The following RGS6 variants were observed in gnomAD, a reference collection of about 807,000 sequenced individuals.
RGS6 encodes regulator of G protein signaling 6.
Under a neutral mutation model 78.5 loss-of-function variants are expected in RGS6, and 30 were observed. The ratio of observed to expected loss-of-function variants is 0.38; its 90% CI spans 0.29 to 0.52. RGS6 has a LOEUF of 0.52. RGS6 is among the 20% of genes least tolerant of loss of function. The probability of loss-of-function intolerance (pLI) is 0.85; values close to 1 mark genes in which losing one functional copy is unlikely to be tolerated. For missense variants in RGS6, 495 were observed against 609.7 expected (o/e 0.81, Z 1.98); for synonymous variants, 206 against 206.0 (o/e 1.00, Z 0.00).
In RGS6 at chr14:72,034,992, C is replaced by A. The variant is rs139286216; in HGVS notation, c.84+70117C>A. ...GTCATTCTGAGTAGCATGATAAAAT[C>A]TCCCACTGTCCCATTTCATCCCACC... On this transcript the variant is annotated intron_variant, in intron 2 of 17. Coordinates refer to ENST00000553525, the MANE Select transcript of RGS6 (RefSeq NM_001204424.2). 1.8e-3 allele frequency among the ~76,000 whole-genome samples: 278 copies of A among 152,294 alleles called. 5 individuals carry two copies. The highest frequency in any genetic ancestry group is 1.4e-3 in the Non-Finnish European group (97 of 68,024).
chr14:72,122,898 TATA>T (rs1432142855), intron 2 of RGS6, among the ~76,000 whole-genome samples: 1 of 152,224 alleles, frequency 6.6e-6, no homozygotes, highest in Admixed American at 6.5e-5. Context: ...ATAAGCTGCT[TATA>T]AATCTTTCAT....
At chr14:72,336,750 A>G (rs1473745576) in intron 2 of RGS6, among the ~76,000 whole-genome samples, 2 of 152,016 alleles carry the variant, frequency 1.3e-5, no homozygotes, top group South Asian at 2.1e-4. Flanking sequence ...ATTATTAACT[A>G]CAGTTCTGGA....
chr14:72,230,575 C>T (rs1000005487), intron 2 of RGS6, among the ~76,000 whole-genome samples: 26 of 152,040 alleles, frequency 1.7e-4, no homozygotes, highest in African/African-American at 6.3e-4. Flanking sequence ...GATATATATG[C>T]GTACGTACAC....
chr14:72,262,663 T>A (rs927410547), intron 2 of RGS6, among the ~76,000 whole-genome samples: 37 of 152,356 alleles, frequency 2.4e-4, no homozygotes, highest in African/African-American at 8.9e-4. Context: ...AGTTGACATT[T>A]CTGAAAAATA....
chr14:72,524,699 A>T (rs926926363), intron 15 of RGS6, among the ~76,000 whole-genome samples: 1 of 152,168 alleles, frequency 6.6e-6, no homozygotes, highest in Non-Finnish European at 1.5e-5. Flanking sequence ...GTGCAGAGGG[A>T]AATAACATGA....
At chr14:72,371,304 A>G (rs2083457232) in intron 3 of RGS6, among the ~76,000 whole-genome samples, 1 of 152,188 alleles carries the variant, frequency 6.6e-6, no homozygotes, top group South Asian at 2.1e-4. Flanking sequence ...TAAATGTCGC[A>G]TTAATTCATC....
chr14:72,358,967 T>G (rs2080927092), intron 3 of RGS6, among the ~76,000 whole-genome samples: 1 of 152,232 alleles, frequency 6.6e-6, no homozygotes, highest in Non-Finnish European at 1.5e-5. Context: ...ATGGGTTGGT[T>G]ACCTCCATGC....
At chr14:72,076,135 A>G (rs544341831) in intron 2 of RGS6, among the ~76,000 whole-genome samples, 2 of 152,312 alleles carry the variant, frequency 1.3e-5, no homozygotes, top group East Asian at 3.9e-4. Context: ...TCTTTTTGTC[A>G]TGCCATTACT....
At chr14:72,041,126 G>A (rs1470296338) in intron 2 of RGS6, among the ~76,000 whole-genome samples, 1 of 151,370 alleles carries the variant, frequency 6.6e-6, no homozygotes, top group Non-Finnish European at 1.5e-5. Flanking sequence ...ATTGGGCCAT[G>A]TTCCCCTGAT....
At chr14:72,481,586 TATTCTGTCC>T (rs1483724329) in intron 12 of RGS6, among the ~76,000 whole-genome samples, 14 of 152,268 alleles carry the variant, frequency 9.2e-5, no homozygotes, top group African/African-American at 2.6e-4. Flanking sequence ...CAGTTCCAAA[TATTCTGTCC>T]ATTGTCTTCC....
chr14:72,341,826 G>A (rs975931314), intron 2 of RGS6, among the ~76,000 whole-genome samples: 5 of 152,160 alleles, frequency 3.3e-5, no homozygotes, highest in Admixed American at 6.5e-5. Context: ...TCAAGGAAGC[G>A]TCAGAAAGGA....
chr14:72,297,917 T>A (rs1301194662), intron 2 of RGS6, among the ~76,000 whole-genome samples: 2 of 151,374 alleles, frequency 1.3e-5, no homozygotes, highest in Non-Finnish European at 2.9e-5. Context: ...ATGAATTCTT[T>A]ATGTAGAAGG....
chr14:72,610,044 G>A, the RGS6 span, among the ~76,000 whole-genome samples: 1 of 152,350 alleles, frequency 6.6e-6, no homozygotes, highest in East Asian at 1.9e-4. Flanking sequence ...CTTTATGACT[G>A]AGAGTCTCAG....
intron 3 of RGS6, among the ~76,000 whole-genome samples, chr14:72,440,891 T>C (rs2095169125): frequency 6.6e-6 from 1 of 152,130 alleles, no homozygotes; most frequent in Admixed American, 6.6e-5. Context: ...GTGTCTTGTG[T>C]CTATGCACAT....
At chr14:72,087,942 G>A (rs1290879914) in intron 2 of RGS6, among the ~76,000 whole-genome samples, 2 of 152,090 alleles carry the variant, frequency 1.3e-5, no homozygotes, top group Non-Finnish European at 2.9e-5. Context: ...TGGATTCATA[G>A]CTATGATCCT....
the RGS6 span, among the ~76,000 whole-genome samples, chr14:72,616,630 T>C: frequency 1.3e-5 from 2 of 152,166 alleles, no homozygotes; most frequent in Non-Finnish European, 2.9e-5. Flanking sequence ...GGGCAAGTGT[T>C]ACTATCTCCA....
At chr14:71,895,350 AT>A in the RGS6 span, among the ~76,000 whole-genome samples, 7 of 147,996 alleles carry the variant, frequency 4.7e-5, no homozygotes, top group Non-Finnish European at 6.0e-5. Context: ...CACCCAGCTA[AT>A]TTTTTTTTTA....
intron 2 of RGS6, among the ~76,000 whole-genome samples, chr14:72,135,451 G>A (rs1598187076): frequency 6.6e-6 from 1 of 152,200 alleles, no homozygotes; most frequent in East Asian, 1.9e-4. Flanking sequence ...TCCCCTCCCA[G>A]CTCTAAACTT....
At chr14:72,534,296 A>G (rs766098411) in intron 15 of RGS6, among the ~76,000 whole-genome samples, 19 of 152,228 alleles carry the variant, frequency 1.2e-4, no homozygotes. Context: ...ACATAATGTT[A>G]TTGCACACAT....
Sources: gnomAD v4.1 joint callset for allele counts (sites outside exome capture counted in the v4.1 genomes callset) on GRCh38, gnomAD v4.1.1 for gene constraint, MANE v1.5 for transcripts, NCBI Gene and HGNC (gene_info 2026-07-23, HGNC 2026-07-21) for gene names.